Variants in CFAP299 observed in about 807,000 individuals in gnomAD.
CFAP299 encodes the protein cilia- and flagella-associated protein 299.
In CFAP299, 21 loss-of-function variants were observed where a neutral mutation model predicts 27.0. The ratio of observed to expected loss-of-function variants is 0.78; its 90% confidence interval spans 0.55 to 1.12. The LOEUF is 1.12. Among genes scored for constraint, CFAP299 ranks in the 50% most tolerant of loss-of-function variants. The probability of loss-of-function intolerance (pLI) is 0.00; values close to 1 mark genes in which losing one functional copy is unlikely to be tolerated. For synonymous variants in CFAP299, 104 were observed against 98.1 expected, an observed-to-expected ratio of 1.06 and a Z score of -0.36; for missense variants, 310 against 276.6, an observed-to-expected ratio of 1.12 and a Z score of -0.86.
chr4:80,508,985 T>C (rs533065941), intron 2 of CFAP299, among the ~76,000 whole-genome samples: 1 of 152,254 alleles, frequency 6.6e-6, no homozygotes, highest in African/African-American at 2.4e-5. Flanking sequence ...AACTATAGAC[T>C]TCTAGAGCTG....
chr4:80,671,261 T>G (rs1741466851), intron 3 of CFAP299, among the ~76,000 whole-genome samples: 1 of 152,142 alleles, frequency 6.6e-6, no homozygotes, highest in South Asian at 2.1e-4. Context: ...TTTCCCCATT[T>G]TTTGTTTTTG....
At chr4:80,885,675 C>T (rs1442718852) in intron 4 of CFAP299, among the ~76,000 whole-genome samples, 1 of 152,094 alleles carries the variant, frequency 6.6e-6, no homozygotes, top group Non-Finnish European at 1.5e-5. Flanking sequence ...GATTCATCAC[C>T]TGCTGACTAA....
chr4:80,908,892 A>G (rs1488553639), intron 4 of CFAP299, among the ~76,000 whole-genome samples: 1 of 152,048 alleles, frequency 6.6e-6, no homozygotes, highest in Non-Finnish European at 1.5e-5. Context: ...AAACACACAC[A>G]CATACACGCA....
chr4:80,648,950 G>A (rs942997982), intron 3 of CFAP299: 7 of 152,096 alleles, frequency 4.6e-5, no homozygotes, highest in Admixed American at 1.3e-4. Flanking sequence ...AAACAACAGT[G>A]GACAACATCA....
In CFAP299 at chr4:80,391,385, CTT is replaced by C. The variant is rs375169114; in HGVS notation, c.242+28504_242+28505del. The stretch of plus-strand genomic sequence containing the variant: ...CCACATACTTGCCAAAGCTTGTTAT[CTT>C]TTGTCTTTTTGATAATCGCCATTCT... On this transcript the variant is annotated intron_variant, in intron 2 of 5. Coordinates refer to ENST00000358105, the MANE Select transcript of CFAP299 (RefSeq NM_152770.3). Among the ~76,000 whole-genome samples the C allele has an allele frequency of 4.4e-3, 676 of 152,204 alleles. 7 individuals are homozygous for C. The highest frequency in any genetic ancestry group is 0.016 in the African/African-American group (654 of 41,538).
chr4:80,477,432 G>A (rs554593008), intron 2 of CFAP299, among the ~76,000 whole-genome samples: 12 of 152,066 alleles, frequency 7.9e-5, no homozygotes, highest in East Asian at 1.9e-4. Flanking sequence ...TATGCCTGTC[G>A]CAACTCTTGG....
chr4:80,462,626 A>T (rs1054627810), intron 2 of CFAP299, among the ~76,000 whole-genome samples: 3 of 151,824 alleles, frequency 2.0e-5, no homozygotes, highest in Non-Finnish European at 4.4e-5. Context: ...TTGCTTTCTT[A>T]TGTCTTCATA....
chr4:80,753,133 T>C (rs1388941586), intron 3 of CFAP299, among the ~76,000 whole-genome samples: 1 of 152,092 alleles, frequency 6.6e-6, no homozygotes, highest in Non-Finnish European at 1.5e-5. Context: ...AAAATATTCC[T>C]TATGCTTTAA....
chr4:80,901,553 G>C (rs1374698807), intron 4 of CFAP299, among the ~76,000 whole-genome samples: 1 of 152,058 alleles, frequency 6.6e-6, no homozygotes, highest in Non-Finnish European at 1.5e-5. Context: ...GTGACCCTTA[G>C]GAATTGCCAC....
At chr4:80,354,460 G>A (rs1469834853) in intron 1 of CFAP299, among the ~76,000 whole-genome samples, 2 of 152,098 alleles carry the variant, frequency 1.3e-5, no homozygotes, top group Non-Finnish European at 2.9e-5. Flanking sequence ...ACTTTTCAAT[G>A]ACCTTTATTT....
intron 3 of CFAP299, among the ~76,000 whole-genome samples, chr4:80,796,034 C>G (rs901612733): frequency 6.6e-6 from 1 of 152,144 alleles, no homozygotes; most frequent in African/African-American, 2.4e-5. Context: ...GTAGCCTGGA[C>G]CTATTGCAGT....
intron 3 of CFAP299, among the ~76,000 whole-genome samples, chr4:80,671,727 A>G (rs1222795554): frequency 6.6e-6 from 1 of 152,096 alleles, no homozygotes; most frequent in Non-Finnish European, 1.5e-5. Flanking sequence ...TGTAAGTTGG[A>G]TTCCTAGGTA....
intron 3 of CFAP299, among the ~76,000 whole-genome samples, chr4:80,725,484 A>T (rs76203712): frequency 0.021 from 3,129 of 152,216 alleles, 80 homozygotes; most frequent in South Asian, 0.062. Context: ...TGAAAAGCTA[A>T]TTGGAAGTCT....
intron 2 of CFAP299, among the ~76,000 whole-genome samples, chr4:80,417,676 C>T (rs574197868): frequency 2.0e-5 from 3 of 152,308 alleles, no homozygotes; most frequent in African/African-American, 7.2e-5. Context: ...CTGCATCTCA[C>T]TTCAGATGAA....
intron 3 of CFAP299, among the ~76,000 whole-genome samples, chr4:80,754,409 G>A (rs1434400848): frequency 6.6e-6 from 1 of 152,128 alleles, no homozygotes; most frequent in African/African-American, 2.4e-5. Flanking sequence ...GTAGGAGATA[G>A]AAGCATTCTT....
At chr4:80,701,594 G>T (rs2110027579) in intron 3 of CFAP299, among the ~76,000 whole-genome samples, 1 of 151,992 alleles carries the variant, frequency 6.6e-6, no homozygotes, top group Admixed American at 6.6e-5. Context: ...GAGATTTACT[G>T]GTGTCTCTAT....
chr4:80,622,402 C>G (rs1738652965), intron 3 of CFAP299, among the ~76,000 whole-genome samples: 1 of 152,072 alleles, frequency 6.6e-6, no homozygotes, highest in Admixed American at 6.6e-5. Flanking sequence ...TGGGTCATCC[C>G]CAGCTGAGTT....
chr4:80,541,463 A>G (rs1212437434), intron 2 of CFAP299, among the ~76,000 whole-genome samples: 1 of 152,170 alleles, frequency 6.6e-6, no homozygotes, highest in African/African-American at 2.4e-5. Context: ...ATTATATATC[A>G]TTTTATATAG....
intron 3 of CFAP299, among the ~76,000 whole-genome samples, chr4:80,724,171 A>T (rs940466102): frequency 1.3e-5 from 2 of 152,118 alleles, no homozygotes; most frequent in Admixed American, 6.5e-5. Flanking sequence ...ATTTGGTAAA[A>T]CTTTCAAAAT....
Sources: allele counts gnomAD v4.1 joint callset (sites outside exome capture counted in the v4.1 genomes callset), GRCh38; gene constraint gnomAD v4.1.1; transcripts MANE v1.5; gene names NCBI Gene and HGNC (gene_info 2026-07-23, HGNC 2026-07-21).